The following AKAP13 variants were observed in gnomAD, a reference collection of about 807,000 sequenced individuals.
AKAP13 encodes A-kinase anchor protein 13.
AKAP13 carries 80 observed loss-of-function variants against 264.5 expected under a neutral mutation model. The observed-to-expected ratio is 0.30, with a 90% CI of 0.25 to 0.36. AKAP13 has a LOEUF of 0.36. Among genes scored for constraint, AKAP13 ranks in the 10% least tolerant of loss-of-function variants. AKAP13 has a pLI of 1.00. For missense variants in AKAP13, 3,712 were observed against 3,435.2 expected (o/e 1.08, Z -2.01); for synonymous variants, 1,380 against 1,250.2 (o/e 1.10, Z -2.19).
At chr15:85,547,449 C>A (rs901475936) in intron 5 of AKAP13, among the ~76,000 whole-genome samples, 1 of 148,702 alleles carries the variant, frequency 6.7e-6, no homozygotes, top group East Asian at 1.9e-4. Context: ...TATGATTAGC[C>A]ATTCTTGGAC....
chr15:85,415,575 G>A, intron 1 of AKAP13: 1 of 1,417,886 alleles, frequency 7.1e-7, no homozygotes, highest in Non-Finnish European at 9.8e-7. Context: ...TGGGAAATTA[G>A]TGGTGGACTG....
intron 5 of AKAP13, among the ~76,000 whole-genome samples, chr15:85,547,603 A>G (rs1207399923): frequency 6.6e-6 from 1 of 151,974 alleles, no homozygotes; most frequent in African/African-American, 2.4e-5. Context: ...CACTTTGTTC[A>G]GTGTTAGGGA....
intron 8 of AKAP13, among the ~76,000 whole-genome samples, chr15:85,613,713 T>TATATATATGTATGTATATATA (rs1254657975): frequency 2.7e-5 from 3 of 111,020 alleles, no homozygotes; most frequent in South Asian, 6.7e-4. Flanking sequence ...TATATATATA[T>TATATATATGTATGTATATATA]TAGGAGTGCT....
chr15:85,492,679 C>G (rs1386519268), intron 2 of AKAP13, among the ~76,000 whole-genome samples: 1 of 152,202 alleles, frequency 6.6e-6, no homozygotes, highest in Non-Finnish European at 1.5e-5. Flanking sequence ...ATTCACATTT[C>G]TCTAATTTTC....
intron 8 of AKAP13, among the ~76,000 whole-genome samples, chr15:85,590,013 T>G (rs551433805): frequency 6.6e-6 from 1 of 152,178 alleles, no homozygotes; most frequent in South Asian, 2.1e-4. Context: ...GAGTCTGTTT[T>G]CATGCTGAAA....
chr15:85,521,621 A>T, intron 3 of AKAP13, 46 bp downstream of exon 3: 1 of 1,591,972 alleles, frequency 6.3e-7, no homozygotes. Flanking sequence ...TAGTTCTTAA[A>T]CCCTTTTATT....
At chr15:85,659,972 C>T (rs2083264232) in intron 12 of AKAP13, among the ~76,000 whole-genome samples, 1 of 152,098 alleles carries the variant, frequency 6.6e-6, no homozygotes, top group African/African-American at 2.4e-5. Context: ...TTCCAAAATA[C>T]TCTTAATTAT....
intron 14 of AKAP13, 26 bp downstream of exon 14, chr15:85,669,856 T>A (rs762651205): frequency 6.9e-7 from 1 of 1,459,182 alleles, no homozygotes; most frequent in South Asian, 1.2e-5. Context: ...TTTAAAAAAA[T>A]TAAATATATT....
At chr15:85,623,296 G>A (rs2081274157) in intron 8 of AKAP13, among the ~76,000 whole-genome samples, 1 of 152,126 alleles carries the variant, frequency 6.6e-6, no homozygotes. Flanking sequence ...TGTAAGTATG[G>A]ATTCATAAGC....
At chr15:85,698,284 C>T (rs2085679050) in intron 17 of AKAP13, among the ~76,000 whole-genome samples, 1 of 150,838 alleles carries the variant, frequency 6.6e-6, no homozygotes, top group Admixed American at 6.6e-5. Context: ...CTGGCCAATG[C>T]GGTGAAACCC....
At chr15:85,411,613 A>G (rs551532192) in intron 1 of AKAP13, among the ~76,000 whole-genome samples, 8 of 151,802 alleles carry the variant, frequency 5.3e-5, no homozygotes, top group African/African-American at 1.9e-4. Flanking sequence ...AATTTTTTGT[A>G]TCTTTCGTAG....
intron 19 of AKAP13, among the ~76,000 whole-genome samples, chr15:85,711,239 A>G (rs1366976632): frequency 6.6e-6 from 1 of 152,032 alleles, no homozygotes; most frequent in African/African-American, 2.4e-5. Flanking sequence ...TATTATTTCT[A>G]AGGACCTCAA....
At chr15:85,413,257 T>A (rs1412091739) in intron 1 of AKAP13, among the ~76,000 whole-genome samples, 1 of 152,216 alleles carries the variant, frequency 6.6e-6, no homozygotes, top group African/African-American at 2.4e-5. Flanking sequence ...GCTGGATCTT[T>A]AGAAGGTGGT....
intron 1 of AKAP13, among the ~76,000 whole-genome samples, chr15:85,412,354 A>C (rs951275497): frequency 6.6e-6 from 1 of 152,222 alleles, no homozygotes. Flanking sequence ...AATTTTAAAA[A>C]TGTACTTCCC....
chr15:85,392,245 TTAA>T (rs2070897546), intron 1 of AKAP13, among the ~76,000 whole-genome samples: 1 of 147,080 alleles, frequency 6.8e-6, no homozygotes, highest in Non-Finnish European at 1.5e-5. Context: ...ATGTGAGCCC[TTAA>T]TAATTTTTTT....
chr15:85,561,125 T>G (rs369155064), intron 5 of AKAP13, among the ~76,000 whole-genome samples: 47 of 146,716 alleles, frequency 3.2e-4, no homozygotes, highest in African/African-American at 1.2e-3. Flanking sequence ...CGGCGCAATC[T>G]CGGCTCACTG....
intron 19 of AKAP13, among the ~76,000 whole-genome samples, chr15:85,712,557 C>G (rs1277333698): frequency 1.4e-5 from 2 of 144,232 alleles, no homozygotes; most frequent in Non-Finnish European, 3.0e-5. Flanking sequence ...TTTTTTTTTT[C>G]CTTGAGACAA....
chr15:85,712,874 T>C (rs2086707515), intron 19 of AKAP13, among the ~76,000 whole-genome samples: 1 of 152,194 alleles, frequency 6.6e-6, no homozygotes. Flanking sequence ...CCTGTTGTAC[T>C]CCACTGAGGC....
intron 12 of AKAP13, among the ~76,000 whole-genome samples, chr15:85,660,352 CAAAAAAAAAAAAAAAAAA>C (rs35636118): frequency 1.5e-5 from 1 of 68,542 alleles, no homozygotes; most frequent in Non-Finnish European, 2.6e-5. Context: ...ATCTAAGTCT[CAAAAAAAAAAAAAAAAAA>C]AAAAAAAAAG....
Sources: gnomAD v4.1 joint callset for allele counts (sites outside exome capture counted in the v4.1 genomes callset) on GRCh38, gnomAD v4.1.1 for gene constraint, MANE v1.5 for transcripts, NCBI Gene and HGNC (gene_info 2026-07-23, HGNC 2026-07-21) for gene names.